The following MYBBP1A variants were observed in gnomAD, a reference collection of about 807,000 sequenced individuals.
The protein encoded by MYBBP1A is myb-binding protein 1A.
A neutral mutation model predicts 136.3 loss-of-function variants in MYBBP1A; 147 were observed. The ratio of observed to expected loss-of-function variants is 1.08; its 90% confidence interval spans 0.94 to 1.24. The LOEUF (loss-of-function observed/expected upper bound fraction) is 1.24, where lower values mean the gene tolerates loss of function less well. Among genes scored for constraint, MYBBP1A ranks in the 50% most tolerant of loss-of-function variants. MYBBP1A has a pLI of 0.00. For missense variants in MYBBP1A, 2,060 were observed against 1,727.4 expected (o/e 1.19, Z -3.41); for synonymous variants, 947 against 735.8 (o/e 1.29, Z -4.65).
intron 13 of MYBBP1A, chr17:4,547,656 C>G (rs1158088970): frequency 3.0e-6 from 1 of 331,768 alleles, no homozygotes; most frequent in African/African-American, 2.1e-5. Flanking sequence ...GCAGGGGGTA[C>G]AGTGCAAGCT....
At position 4,554,767 on chromosome 17, in the gene MYBBP1A, C is replaced by T. The variant is rs1056113973; in HGVS notation, c.294+94G>A. ...CACTCCCGACCTCTCTCTCGGGCTG[C>T]CCCTCCGCCACAGCTGAGACACCAC... On this transcript the variant is annotated intron_variant, in intron 2 of 25. Transcript: ENST00000254718. 7 of 1,224,176 alleles carry T rather than the reference C, an allele frequency of 5.7e-6. No individual in the cohort carries two copies. The African/African-American group carries it at 8.9e-5, about 16-fold the overall frequency. The allele number at this position is 1,224,176 out of a possible 1,614,324, so 75.8% of individuals were successfully genotyped here. A position where few individuals can be genotyped will look rare whatever the true frequency, so the allele number is the denominator to read the frequency against.
chr17:4,553,827 C>G lies in MYBBP1A; in HGVS notation c.544G>C (p.Val182Leu). The change falls in exon 5 of 26, where the codon GTG becomes CTG. Residue 182 changes from valine (V) to leucine (L), a missense_variant. By Grantham distance (32) the Val-to-Leu change is conservative. Coordinates refer to ENST00000254718, the MANE Select transcript of MYBBP1A (RefSeq NM_014520.4). ...GCTCATACCTCGGAGAGGATGTCCACCAGGGCCTTCCGGGGCTGCTCCTGC... is the reference window on the plus strand; with the variant it reads ...GCTCATACCTCGGAGAGGATGTCCAGCAGGGCCTTCCGGGGCTGCTCCTGC... ...HLQEQPRKAL[V>L]DILSEVSKAT... 6.2e-7 allele frequency: 1 copy of G among 1,613,998 alleles called. No homozygotes were observed. The highest frequency in any genetic ancestry group is 8.5e-7 in the Non-Finnish European group (1 of 1,180,010).
chr17:4,551,964 C>T lies in MYBBP1A; in HGVS notation c.939G>A (p.Leu313=), dbSNP rs1361860396. 3.7e-6 allele frequency: 6 copies of T among 1,611,920 alleles called. No homozygotes were observed. The highest frequency in any genetic ancestry group is 1.7e-5 in the Admixed American group (1 of 59,988). The change falls in exon 8 of 26, where the codon CTG becomes CTA. Residue 313 remains leucine, a synonymous_variant. Transcript: ENST00000254718. ...GCAGCTGCTCCTTGGTCAGCAGGGG[C>T]AGGGCCGCGCCCAGCAGGCGGAAAC... ...YLCFRLLGAA[L]PLLTKEQLHL...
At position 4,544,571 on chromosome 17, in the gene MYBBP1A, G is replaced by GCAGCGGCTC. The variant is rs767427810; in HGVS notation, c.2548_2556dup (p.Glu850_Leu852dup). The stretch of plus-strand genomic sequence containing the variant: ...CGCAGGCTGCGCCGGATGATGCTCA[G>GCAGCGGCTC]CAGCGGCTCCAGCAGCTCCAGGACC... On this transcript the variant is annotated inframe_insertion, in exon 19 of 26. Coordinates refer to ENST00000254718, the MANE Select transcript of MYBBP1A (RefSeq NM_014520.4). The GCAGCGGCTC allele has an allele frequency of 1.9e-6, 3 of 1,573,504 alleles. No homozygotes were observed. The highest frequency in any genetic ancestry group is 1.2e-5 in the South Asian group (1 of 85,746).
At chr17:4,540,935 C>A (rs192449670) in intron 24 of MYBBP1A, among the ~76,000 whole-genome samples, 1 of 152,250 alleles carries the variant, frequency 6.6e-6, no homozygotes, top group African/African-American at 2.4e-5. Context: ...GGCCCCGTCC[C>A]GGGCCCCGCC....
rs746726362 is a variant in MYBBP1A at position 4,544,794 on chromosome 17, T to G, written c.2438A>C (p.Lys813Thr). The change falls in exon 18 of 26, where the codon AAG becomes ACG. Residue 813 changes from lysine to threonine, a missense_variant. By Grantham distance (78) the Lys-to-Thr change is moderately conservative. Coordinates refer to ENST00000254718, the MANE Select transcript of MYBBP1A (RefSeq NM_014520.4). Reference sequence around the variant, plus strand: ...CCGCAGAGCCTTCTCCTTCTGCAGCTTGTTCTTCTCGTCTCGCCGGGCCTG... The same window carrying G: ...CCGCAGAGCCTTCTCCTTCTGCAGCGTGTTCTTCTCGTCTCGCCGGGCCTG... ...RIQARRDEKN[K>T]LQKEKALRRD... is the part of the protein sequence containing the mutation. 4.9e-5 allele frequency: 78 copies of G among 1,598,934 alleles called. No individual in the cohort carries two copies. Among genetic ancestry groups the G allele is most frequent in the Non-Finnish European group, 6.0e-5 (71 of 1,173,612 alleles).
intron 13 of MYBBP1A, among the ~76,000 whole-genome samples, chr17:4,546,373 C>T (rs1190709913): frequency 6.6e-6 from 1 of 152,164 alleles, no homozygotes; most frequent in Non-Finnish European, 1.5e-5. Context: ...CCCTTGCCCC[C>T]CTTGGCCTCC....
chr17:4,552,410 C>G lies in MYBBP1A; in HGVS notation c.737+41G>C. 4.4e-6 allele frequency: 7 copies of G among 1,607,320 alleles called. No individual in the cohort carries two copies. The South Asian group carries it at 7.7e-5, about 18-fold the overall frequency. On this transcript the variant is annotated intron_variant, in intron 6 of 25. Transcript: ENST00000254718. This position sits in a 1 kb window ranked among gnomAD's most constrained non-coding sequence, Gnocchi z 4.7. ...ATCTGGGCCTGGCCAGATGCAGTCCCTTGGCCCCAGGGAGGGCAAATCCGC... is the reference window on the plus strand; with the variant it reads ...ATCTGGGCCTGGCCAGATGCAGTCCGTTGGCCCCAGGGAGGGCAAATCCGC...
At chr17:4,549,785 C>CAAAAAAAAA (rs60360356) in intron 9 of MYBBP1A, among the ~76,000 whole-genome samples, 2 of 65,406 alleles carry the variant, frequency 3.1e-5, no homozygotes, top group Admixed American at 1.8e-4. Flanking sequence ...GAGACTCTGT[C>CAAAAAAAAA]AAAAAAAAAA....
In MYBBP1A at chr17:4,543,101, C is replaced by A; in HGVS notation, c.2704G>T (p.Ala902Ser). The change falls in exon 20 of 26, where the codon GCC becomes TCC. Residue 902 changes from alanine (A) to serine (S), a missense_variant. By Grantham distance (99) the Ala-to-Ser change is moderately conservative. Coordinates refer to ENST00000254718, the MANE Select transcript of MYBBP1A (RefSeq NM_014520.4). ...TGCTGCACCAACCGCTCCACCTGGG[C>A]GTGCAGGGCCCCTGCGCGCTCACCC... ...DLGERAGALH[A>S]QVERLVQQAG... 1 of 1,612,922 alleles carries A rather than the reference C, an allele frequency of 6.2e-7. No homozygotes were observed. Among genetic ancestry groups the A allele is most frequent in the Non-Finnish European group, 8.5e-7 (1 of 1,179,794 alleles).
In MYBBP1A at chr17:4,543,113, C is replaced by T. The variant is rs776864980; in HGVS notation, c.2692G>A (p.Gly898Arg). Reference sequence around the variant, plus strand: ...CGCTCCACCTGGGCGTGCAGGGCCCCTGCGCGCTCACCCAAGTCGTGGCAG... The same window carrying T: ...CGCTCCACCTGGGCGTGCAGGGCCCTTGCGCGCTCACCCAAGTCGTGGCAG... ...RYCHDLGERAGALHAQVERLV... is the reference protein window; with the variant it reads ...RYCHDLGERARALHAQVERLV... The change falls in exon 20 of 26, where the codon GGG (glycine) becomes AGG (arginine). Residue 898 changes from glycine (G) to arginine (R), a missense_variant. Physicochemically the swap from Gly to Arg is moderately radical, Grantham distance 125. Transcript: ENST00000254718. 6 of 1,612,156 alleles carry T rather than the reference C, an allele frequency of 3.7e-6. No individual in the cohort carries two copies. The Admixed American group carries it at 5.0e-5, about 13-fold the overall frequency.
intron 10 of MYBBP1A, 83 bp downstream of exon 10, chr17:4,549,249 G>T: frequency 8.3e-7 from 1 of 1,199,736 alleles, no homozygotes; most frequent in Non-Finnish European, 1.2e-6. Context: ...CTGGCTCCAG[G>T]GGATGCAAAC....
At chr17:4,549,261 A>G in intron 10 of MYBBP1A, 71 bp downstream of exon 10, 5 of 1,351,098 alleles carry the variant, frequency 3.7e-6, no homozygotes, top group Non-Finnish European at 5.1e-6. Flanking sequence ...GATGCAAACT[A>G]GGACGAGTTA....
intron 22 of MYBBP1A, 178 bp downstream of exon 22, chr17:4,542,286 G>A: frequency 1.4e-6 from 1 of 699,640 alleles, no homozygotes; most frequent in Non-Finnish European, 2.4e-6. Context: ...TGTGGCAGGG[G>A]CCAGGGCACG....
Position 4,544,344 on chromosome 17 carries a change from G to T in MYBBP1A, c.2639+145C>A. 2.9e-6 allele frequency: 3 copies of T among 1,051,784 alleles called. No individual in the cohort carries two copies. In the South Asian group the frequency reaches 4.7e-5, roughly 17 times the overall value. The allele number at this position is 1,051,784 out of a possible 1,614,324, so 65.2% of individuals were successfully genotyped here. The stretch of plus-strand genomic sequence containing the variant: ...ATCACTAAGTGACGTGTGCCTCTAG[G>T]GCTGAGCAGTGAGCCTGCGAGCTAG... On this transcript the variant is annotated intron_variant, in intron 19 of 25. Coordinates refer to ENST00000254718, the MANE Select transcript of MYBBP1A (RefSeq NM_014520.4).
intron 18 of MYBBP1A, 31 bp downstream of exon 18, chr17:4,544,710 ACAGGGAGGCG>A (rs745613789): frequency 1.5e-6 from 2 of 1,373,256 alleles, no homozygotes; most frequent in Non-Finnish European, 9.8e-7. Flanking sequence ...GGGTGGGCGC[ACAGGGAGGCG>A]GGGGTGGGTG....
chr17:4,543,248 T>G (rs535558231), intron 19 of MYBBP1A, 83 bp from the exon 20 acceptor site: 2 of 1,476,482 alleles, frequency 1.4e-6, no homozygotes, highest in South Asian at 2.7e-5. Context: ...AAGTCCCACT[T>G]TATAAGTGGG....
At chr17:4,545,440 G>A (rs1906912713) in intron 15 of MYBBP1A, 95 bp from the exon 16 acceptor site, 6 of 1,556,732 alleles carry the variant, frequency 3.9e-6, no homozygotes, top group Non-Finnish European at 5.2e-6. Flanking sequence ...TTTCCCAGAA[G>A]AAAACGGAGC....
At chr17:4,546,911 C>T (rs543409883) in intron 13 of MYBBP1A, among the ~76,000 whole-genome samples, 2 of 148,514 alleles carry the variant, frequency 1.3e-5, no homozygotes, top group South Asian at 2.1e-4. Flanking sequence ...CTGGGCTGCA[C>T]CTTTTTTTTT....
Sources: gnomAD v4.1 joint callset for allele counts (sites outside exome capture counted in the v4.1 genomes callset) on GRCh38, gnomAD v4.1.1 for gene constraint, Gnocchi (gnomAD v3.1) non-coding constraint, MANE v1.5 for transcripts, NCBI Gene and HGNC (gene_info 2026-07-23, HGNC 2026-07-21) for gene names.